Variants in TRPS1 observed in about 807,000 individuals in gnomAD.
TRPS1 encodes the protein zinc finger transcription factor Trps1.
A neutral mutation model predicts 101.2 loss-of-function variants in TRPS1; 6 were observed. The observed-to-expected ratio is 0.06, with a 90% CI of 0.03 to 0.12. The LOEUF (loss-of-function observed/expected upper bound fraction) is 0.12, where lower values mean the gene tolerates loss of function less well. Among genes scored for constraint, TRPS1 ranks in the 10% least tolerant of loss-of-function variants. The probability of loss-of-function intolerance (pLI) is 1.00; values close to 1 mark genes in which losing one functional copy is unlikely to be tolerated. For synonymous variants in TRPS1, 578 were observed against 589.8 expected (o/e 0.98, Z 0.29); for missense variants, 1,363 against 1,567.0 (o/e 0.87, Z 2.20).
At chr8:115,607,004 CT>C (rs1818053418) in intron 3 of TRPS1, among the ~76,000 whole-genome samples, 5 of 151,950 alleles carry the variant, frequency 3.3e-5, no homozygotes, top group African/African-American at 1.2e-4. Flanking sequence ...TTGCATCTGC[CT>C]TGCCAAGCTT....
chr8:115,454,583 T>C (rs1231867591), intron 5 of TRPS1, among the ~76,000 whole-genome samples: 1 of 152,206 alleles, frequency 6.6e-6, no homozygotes, highest in East Asian at 1.9e-4. Context: ...GTGATATTAT[T>C]ATCACTATAT....
chr8:115,571,665 A>C (rs1436173711), intron 5 of TRPS1, among the ~76,000 whole-genome samples: 1 of 152,174 alleles, frequency 6.6e-6, no homozygotes, highest in Non-Finnish European at 1.5e-5. Flanking sequence ...TTTTTTCCTC[A>C]ATTATAAAAT....
At chr8:115,520,484 T>G (rs750248436) in intron 5 of TRPS1, among the ~76,000 whole-genome samples, 3 of 151,816 alleles carry the variant, frequency 2.0e-5, no homozygotes, top group Non-Finnish European at 4.4e-5. Context: ...ACTTATTGTT[T>G]ATGTAGGCTT....
Position 115,413,304 on chromosome 8 carries a change from C to T in TRPS1, c.*719G>A, listed in dbSNP as rs572233963. 16 of 152,508 alleles carry T rather than the reference C, an allele frequency of 1.0e-4. No homozygotes were observed. Among genetic ancestry groups the T allele is most frequent in the African/African-American group, 2.2e-4 (9 of 41,530 alleles). The allele number at this position is 152,508 out of a possible 1,614,324, so 9.4% of individuals were successfully genotyped here. The stretch of plus-strand genomic sequence containing the variant: ...ATGTGTGGACAAAATGAATCTAAAC[C>T]GCAAACAAAAGGACTACTGAGTATT... On this transcript the variant is annotated 3_prime_UTR_variant, in exon 7 of 7. Transcript: ENST00000395715.
intron 5 of TRPS1, among the ~76,000 whole-genome samples, chr8:115,498,223 CA>C (rs2130130044): frequency 6.6e-6 from 1 of 151,610 alleles, no homozygotes; most frequent in South Asian, 2.1e-4. Context: ...ACAAAAAACA[CA>C]AAAAATTAGC....
At chr8:115,570,272 T>C (rs777496811) in intron 5 of TRPS1, among the ~76,000 whole-genome samples, 1 of 152,102 alleles carries the variant, frequency 6.6e-6, no homozygotes, top group Non-Finnish European at 1.5e-5. Flanking sequence ...CACAAAGTAA[T>C]AATTTACTAA....
intron 5 of TRPS1, among the ~76,000 whole-genome samples, chr8:115,482,757 A>G (rs565891415): frequency 6.6e-6 from 1 of 152,342 alleles, no homozygotes; most frequent in South Asian, 2.1e-4. Context: ...CAACATGGTT[A>G]CAGCAACAAA....
At chr8:115,569,878 G>C in intron 5 of TRPS1, among the ~76,000 whole-genome samples, 1 of 151,886 alleles carries the variant, frequency 6.6e-6, no homozygotes, top group East Asian at 1.9e-4. Flanking sequence ...GACTGATTAA[G>C]TTCAACCAAA....
At chr8:115,632,719 G>C (rs1370826325) in intron 1 of TRPS1, among the ~76,000 whole-genome samples, 1 of 152,136 alleles carries the variant, frequency 6.6e-6, no homozygotes, top group Non-Finnish European at 1.5e-5. Flanking sequence ...TGTCATGGCA[G>C]ACACAAACGA....
chr8:115,466,208 A>G (rs1366999345), intron 5 of TRPS1, among the ~76,000 whole-genome samples: 1 of 152,172 alleles, frequency 6.6e-6, no homozygotes, highest in South Asian at 2.1e-4. Flanking sequence ...TTTCAAATGG[A>G]TTAACTCATT....
intron 2 of TRPS1, among the ~76,000 whole-genome samples, chr8:115,622,588 C>T (rs902898357): frequency 1.3e-5 from 2 of 152,124 alleles, no homozygotes; most frequent in African/African-American, 2.4e-5. Context: ...TTCCATTACA[C>T]ATAATGTCTT....
At chr8:115,607,294 A>AGG (rs1818061460) in intron 3 of TRPS1, among the ~76,000 whole-genome samples, 1 of 152,188 alleles carries the variant, frequency 6.6e-6, no homozygotes, top group Non-Finnish European at 1.5e-5. Flanking sequence ...ACGAATCAAT[A>AGG]CTATCAGGAG....
chr8:115,668,205 A>C, intron 1 of TRPS1: 2 of 443,188 alleles, frequency 4.5e-6, no homozygotes, highest in East Asian at 3.9e-5. Flanking sequence ...GACCCACCAA[A>C]AGGAGGAGAG....
intron 5 of TRPS1, among the ~76,000 whole-genome samples, chr8:115,557,842 T>A (rs1435597595): frequency 6.6e-6 from 1 of 152,164 alleles, no homozygotes; most frequent in Non-Finnish European, 1.5e-5. Context: ...TAGCACCACA[T>A]GTTTCAAGCA....
At chr8:115,650,948 G>T (rs1811546403) in intron 1 of TRPS1, among the ~76,000 whole-genome samples, 1 of 152,074 alleles carries the variant, frequency 6.6e-6, no homozygotes, top group Non-Finnish European at 1.5e-5. Context: ...TGCAAGCATT[G>T]GGCCCACTTA....
In TRPS1 at chr8:115,619,785, T is replaced by C; in HGVS notation, c.313A>G (p.Ser105Gly). Residue 105 changes from serine to glycine, a missense_variant, in exon 3 of 7, where the codon AGT becomes GGT. Around this residue, in one of 5 missense-constraint regions of TRPS1, gnomAD observed 1,020 missense variants for 1,073.0 expected, o/e 0.95. Coordinates refer to ENST00000395715, the MANE Select transcript of TRPS1 (RefSeq NM_014112.5). Reference sequence around the variant, plus strand: ...AAGGAGGGAAAGTTTCCTCCCTTACTGGGGCTTTCATAATTGAAGCCAGCC... The same window carrying C: ...AAGGAGGGAAAGTTTCCTCCCTTACCGGGGCTTTCATAATTGAAGCCAGCC... ...EKAGFNYESP[S>G]KGGNFPSFPH... The C allele has an allele frequency of 1.2e-6, 2 of 1,614,204 alleles. No individual in the cohort carries two copies. Among genetic ancestry groups the C allele is most frequent in the African/African-American group, 2.7e-5 (2 of 75,048 alleles).
chr8:115,570,689 T>TCACA (rs35198890), intron 5 of TRPS1, among the ~76,000 whole-genome samples: 121 of 95,776 alleles, frequency 1.3e-3, no homozygotes, highest in African/African-American at 4.4e-3. Context: ...ACACACACAC[T>TCACA]CACACACACA....
rs770157583 is a variant in TRPS1, at chr8:115,603,901, C to T, written c.2068G>A (p.Val690Met). Reference protein sequence around the residue: ...SCTKCDFITQVEEEISRHYRR... With the variant: ...SCTKCDFITQMEEEISRHYRR... ...TAGTGTCGGGAAATCTCTTCTTCCA[C>T]TTGGGTAATAAAATCACATTTGGTA... The change falls in exon 4 of 7, where the codon GTG (valine) becomes ATG (methionine). Residue 690 changes from valine to methionine, a missense_variant. Transcript: ENST00000395715. The T allele has an allele frequency of 2.5e-6, 4 of 1,614,008 alleles. No individual in the cohort carries two copies. The highest frequency in any genetic ancestry group is 3.4e-6 in the Non-Finnish European group (4 of 1,179,928).
At chr8:115,601,619 T>C in intron 4 of TRPS1, among the ~76,000 whole-genome samples, 1 of 152,196 alleles carries the variant, frequency 6.6e-6, no homozygotes, top group African/African-American at 2.4e-5. Context: ...TTTAATGCCC[T>C]ATGGACAAGT....
Sources: allele counts gnomAD v4.1 joint callset (sites outside exome capture counted in the v4.1 genomes callset), GRCh38; gene constraint gnomAD v4.1.1; regional missense constraint gnomAD v4.1.1; transcripts MANE v1.5; gene names NCBI Gene and HGNC (gene_info 2026-07-23, HGNC 2026-07-21).